CHN2: variants seen among roughly 807,000 people sequenced by gnomAD.
CHN2 encodes the protein beta-chimaerin.
CHN2 carries 35 observed loss-of-function variants against 56.3 expected under a neutral mutation model. The ratio of observed to expected loss-of-function variants is 0.62; its 90% CI spans 0.47 to 0.82. The LOEUF is 0.82. Among genes scored for constraint, CHN2 ranks in the 40% least tolerant of loss-of-function variants. The pLI, the probability that CHN2 is intolerant of heterozygous loss-of-function variation, is 0.00. For synonymous variants in CHN2, 210 were observed against 212.8 expected, an observed-to-expected ratio of 0.99 and a Z score of 0.12; for missense variants, 491 against 580.5, an observed-to-expected ratio of 0.85 and a Z score of 1.58.
intron 1 of CHN2, among the ~76,000 whole-genome samples, chr7:29,346,731 G>C (rs1797467870): frequency 6.6e-6 from 1 of 152,194 alleles, no homozygotes; most frequent in East Asian, 1.9e-4. Flanking sequence ...TTTTCTGTGA[G>C]TCGAGTCATC....
chr7:29,261,005 T>A (rs1789502338), intron 1 of CHN2, among the ~76,000 whole-genome samples: 1 of 152,218 alleles, frequency 6.6e-6, no homozygotes, highest in Non-Finnish European at 1.5e-5. Context: ...CATGATTTTT[T>A]AATGCAGATT....
chr7:29,164,237 T>A (rs532403081), intron 2 of CHN2, among the ~76,000 whole-genome samples: 1 of 152,344 alleles, frequency 6.6e-6, no homozygotes, highest in African/African-American at 2.4e-5. Context: ...ATTTTCCTAA[T>A]GACTAATGAT....
chr7:29,229,931 C>A (rs1333597460), intron 1 of CHN2, among the ~76,000 whole-genome samples: 1 of 152,028 alleles, frequency 6.6e-6, no homozygotes, highest in East Asian at 1.9e-4. Context: ...GAGCTGAGAT[C>A]ACACCACTGC....
chr7:29,147,147 A>G, intron 2 of CHN2: 1 of 760,040 alleles, frequency 1.3e-6, no homozygotes, highest in Non-Finnish European at 2.1e-6. Flanking sequence ...GTATATTATT[A>G]GCCACCACCA....
chr7:29,200,413 T>G (rs1012065981), intron 1 of CHN2, among the ~76,000 whole-genome samples: 2 of 136,060 alleles, frequency 1.5e-5, no homozygotes, highest in African/African-American at 5.6e-5. Flanking sequence ...TCCTTCCTTC[T>G]TTCCTTCCTT....
Position 29,219,721 on chromosome 7 carries a change from A to C in CHN2, c.49+24731A>C, listed in dbSNP as rs1785619851. The stretch of plus-strand genomic sequence containing the variant: ...TAAAAGCTATAACCATATTAATATC[A>C]GGCAAAGTAGACTTTAATGCAAAAA... On this transcript the variant is annotated intron_variant, in intron 1 of 12. Transcript: ENST00000222792. Among the ~76,000 whole-genome samples, 3 of 152,374 alleles carry C rather than the reference A, an allele frequency of 2.0e-5. No individual in the cohort carries two copies. The South Asian group carries it at 6.2e-4, about 32-fold the overall frequency.
intron 2 of CHN2, among the ~76,000 whole-genome samples, chr7:29,174,886 G>T (rs1464543943): frequency 1.3e-5 from 2 of 151,014 alleles, no homozygotes; most frequent in East Asian, 3.9e-4. Context: ...AGAATTTTTA[G>T]AGAGATACAG....
At chr7:29,479,604 A>G in intron 6 of CHN2, 1 of 914,874 alleles carries the variant, frequency 1.1e-6, no homozygotes, top group Non-Finnish European at 1.3e-6. Context: ...CAGGGTTTAA[A>G]GGTTTAATCT....
chr7:29,214,131 C>A (rs991054888), intron 1 of CHN2, among the ~76,000 whole-genome samples: 3 of 152,140 alleles, frequency 2.0e-5, no homozygotes, highest in African/African-American at 4.8e-5. Context: ...TGAGTCAATT[C>A]GATCCGATTT....
chr7:29,503,418 G>A (rs1790195492), intron 9 of CHN2, among the ~76,000 whole-genome samples: 1 of 152,164 alleles, frequency 6.6e-6, no homozygotes, highest in South Asian at 2.1e-4. Flanking sequence ...TGCCTCTGTG[G>A]CAGTGCATGT....
At chr7:29,207,990 G>A (rs1784647774) in intron 1 of CHN2, among the ~76,000 whole-genome samples, 1 of 152,178 alleles carries the variant, frequency 6.6e-6, no homozygotes. Flanking sequence ...CTAGAACCAT[G>A]TATTGTTCAC....
chr7:29,209,916 A>T (rs1189542179), intron 1 of CHN2, among the ~76,000 whole-genome samples: 1 of 152,150 alleles, frequency 6.6e-6, no homozygotes, highest in Non-Finnish European at 1.5e-5. Flanking sequence ...CAGTTTTGTG[A>T]TGGGCCAGGG....
At chr7:29,258,729 C>T (rs1466673334) in intron 1 of CHN2, among the ~76,000 whole-genome samples, 2 of 152,114 alleles carry the variant, frequency 1.3e-5, no homozygotes, top group African/African-American at 4.8e-5. Flanking sequence ...GAGATAAAAA[C>T]ATAAAATGAG....
intron 1 of CHN2, among the ~76,000 whole-genome samples, chr7:29,348,944 A>G (rs958832546): frequency 2.0e-5 from 3 of 152,202 alleles, no homozygotes; most frequent in African/African-American, 7.2e-5. Context: ...TAATTTCTAC[A>G]TATATGAATA....
At chr7:29,171,088 G>GAGAT (rs2128724846) in intron 2 of CHN2, among the ~76,000 whole-genome samples, 1 of 152,266 alleles carries the variant, frequency 6.6e-6, no homozygotes, top group South Asian at 2.1e-4. Context: ...ACGACTTTAT[G>GAGAT]AGATGTGTCA....
At chr7:29,167,299 T>C (rs1485987341) in intron 2 of CHN2, among the ~76,000 whole-genome samples, 4 of 152,220 alleles carry the variant, frequency 2.6e-5, no homozygotes, top group African/African-American at 7.2e-5. Flanking sequence ...TCATTCAATA[T>C]GTTTCTGAAA....
intron 2 of CHN2, among the ~76,000 whole-genome samples, chr7:29,175,423 G>T (rs184482212): frequency 6.6e-6 from 1 of 152,122 alleles, no homozygotes; most frequent in Admixed American, 6.5e-5. Context: ...TTTTCTGCCC[G>T]CCTCGGCCTC....
intron 1 of CHN2, among the ~76,000 whole-genome samples, chr7:29,244,120 C>G (rs538250372): frequency 6.6e-6 from 1 of 152,096 alleles, no homozygotes; most frequent in Non-Finnish European, 1.5e-5. Flanking sequence ...CTCCCCACAC[C>G]CACTTTCCCC....
chr7:29,482,797 C>CTTTTTTTTTTTTT lies in CHN2; in HGVS notation c.654+2471_654+2483dup, dbSNP rs375120538. ...TGCTAGGTGCTGTCTGCACTTTTTT[C>CTTTTTTTTTTTTT]TTTTTTTTTTTTTTTTTTTTTTTTT... is the stretch of plus-strand genomic sequence containing the variant. On this transcript the variant is annotated intron_variant, in intron 7 of 12. Coordinates refer to ENST00000222792, the MANE Select transcript of CHN2 (RefSeq NM_004067.4). 1.2e-3 allele frequency among the ~76,000 whole-genome samples: 77 copies of CTTTTTTTTTTTTT among 64,214 alleles called. 23 individuals are homozygous for CTTTTTTTTTTTTT. Among genetic ancestry groups the CTTTTTTTTTTTTT allele is most frequent in the Non-Finnish European group, 1.7e-3 (57 of 34,262 alleles). 42.1% of individuals were successfully genotyped at this position (64,214 alleles called of 152,430 possible).
Sources: allele counts gnomAD v4.1 joint callset (sites outside exome capture counted in the v4.1 genomes callset), GRCh38; gene constraint gnomAD v4.1.1; transcripts MANE v1.5; gene names NCBI Gene and HGNC (gene_info 2026-07-23, HGNC 2026-07-21).